Variants in PCDHGB2 observed in about 807,000 individuals in gnomAD.
PCDHGB2 encodes the protein protocadherin gamma subfamily B, 2.
A neutral mutation model predicts 59.3 loss-of-function variants in PCDHGB2; 55 were observed. That is an observed-to-expected ratio of 0.93 (90% confidence interval 0.75 to 1.16). The LOEUF is 1.16. PCDHGB2 is among the 50% of genes most tolerant of loss of function. PCDHGB2 has a pLI of 0.00. For missense variants in PCDHGB2, 1,228 were observed against 1,198.5 expected (o/e 1.02, Z -0.36); for synonymous variants, 516 against 512.0 (o/e 1.01, Z -0.11).
chr5:141,418,294 C>G, intron 1 of PCDHGB2: 1 of 1,613,988 alleles, frequency 6.2e-7, no homozygotes. Flanking sequence ...TCAGTGAATC[C>G]GTCAGCCTGG....
rs369227893 is a variant in PCDHGB2, at chr5:141,419,063, T to A, written c.2421+56507T>A. 47 of 1,613,840 alleles carry A rather than the reference T, an allele frequency of 2.9e-5. No homozygotes were observed. The highest frequency in any genetic ancestry group is 4.0e-5 in the Non-Finnish European group (47 of 1,179,904). On this transcript the variant is annotated intron_variant, in intron 1 of 3. Coordinates refer to ENST00000522605, the MANE Select transcript of PCDHGB2 (RefSeq NM_018923.3). ...GATTCATTCTTCTTCTAATAATTACTACAAGCTAGTAACAGATGAGGCCCT... is the reference window on the plus strand; with the variant it reads ...GATTCATTCTTCTTCTAATAATTACAACAAGCTAGTAACAGATGAGGCCCT...
chr5:141,384,547 C>T (rs1780195966), intron 1 of PCDHGB2: 15 of 1,614,252 alleles, frequency 9.3e-6, no homozygotes, highest in Non-Finnish European at 1.3e-5. Flanking sequence ...GTCACTGAGC[C>T]TGTTCGTGCT....
intron 1 of PCDHGB2, among the ~76,000 whole-genome samples, chr5:141,369,915 A>G (rs1429162797): frequency 6.6e-6 from 1 of 152,226 alleles, no homozygotes; most frequent in African/African-American, 2.4e-5. Flanking sequence ...TGAAAATGGA[A>G]ACTAAAAACG....
At position 141,360,619 on chromosome 5, in the gene PCDHGB2, G is replaced by T; in HGVS notation, c.484G>T (p.Val162Phe). 1 of 1,614,012 alleles carries T rather than the reference G, an allele frequency of 6.2e-7. No individual in the cohort carries two copies. Among genetic ancestry groups the T allele is most frequent in the East Asian group, 2.2e-5 (1 of 44,884 alleles). ...FPLDPALDSD[V>F]GPNSLQRYHL... ...ACTTGACCCAGCCCTGGATTCAGATGTTGGTCCTAACTCACTACAAAGATA... is the reference window on the plus strand; with the variant it reads ...ACTTGACCCAGCCCTGGATTCAGATTTTGGTCCTAACTCACTACAAAGATA... The change falls in exon 1 of 4, where the codon GTT becomes TTT. Residue 162 changes from valine to phenylalanine, a missense_variant. Physicochemically the swap from Val to Phe is conservative, Grantham distance 50. Around this residue, in one of 3 missense-constraint regions of PCDHGB2, gnomAD observed 781 missense variants for 721.6 expected, o/e 1.08. Coordinates refer to ENST00000522605, the MANE Select transcript of PCDHGB2 (RefSeq NM_018923.3).
intron 1 of PCDHGB2, among the ~76,000 whole-genome samples, chr5:141,381,491 A>G (rs773337977): frequency 1.7e-4 from 26 of 152,224 alleles, no homozygotes; most frequent in Non-Finnish European, 7.3e-5. Flanking sequence ...TGTTTTCTCA[A>G]TTACACTAGA....
chr5:141,418,419 A>G (rs1181055959), intron 1 of PCDHGB2: 1 of 1,613,900 alleles, frequency 6.2e-7, no homozygotes, highest in Non-Finnish European at 8.5e-7. Flanking sequence ...GACAATCCTG[A>G]TGGTGGCAAA....
At chr5:141,364,099 G>T in intron 1 of PCDHGB2, 1 of 407,086 alleles carries the variant, frequency 2.5e-6, no homozygotes, top group Non-Finnish European at 4.3e-6. Context: ...ATTTGATGCA[G>T]TCACTGGTTA....
chr5:141,375,174 C>A (rs765614006), intron 1 of PCDHGB2: 3 of 1,614,006 alleles, frequency 1.9e-6, no homozygotes, highest in Non-Finnish European at 2.5e-6. Context: ...CCTCCAGGAA[C>A]AGTAATCGCC....
In PCDHGB2 at chr5:141,491,927, G is replaced by A. The variant is rs1314503730; in HGVS notation, c.2422-2880G>A. 3 of 1,309,982 alleles carry A rather than the reference G, an allele frequency of 2.3e-6. No individual in the cohort carries two copies. In the African/African-American group the frequency reaches 4.5e-5, roughly 20 times the overall value. 81.1% of individuals were successfully genotyped at this position (1,309,982 alleles called of 1,614,324 possible). A position where few individuals can be genotyped will look rare whatever the true frequency, so the allele number is the denominator to read the frequency against. On this transcript the variant is annotated intron_variant, in intron 1 of 3. Coordinates refer to ENST00000522605, the MANE Select transcript of PCDHGB2 (RefSeq NM_018923.3). The surrounding 1 kb of genome is among the most constrained non-coding windows in gnomAD (Gnocchi z 6.9). ...GTGGTGGCGACTGTGGGCGAGGGGAGGTGGGACCGACCCCCACCCCTACAC... is the reference window on the plus strand; with the variant it reads ...GTGGTGGCGACTGTGGGCGAGGGGAAGTGGGACCGACCCCCACCCCTACAC...
At chr5:141,386,725 TA>T (rs1200567298) in intron 1 of PCDHGB2, among the ~76,000 whole-genome samples, 3 of 152,182 alleles carry the variant, frequency 2.0e-5, no homozygotes, top group African/African-American at 7.2e-5. Context: ...CCAACAATGT[TA>T]CTGAGGGAAG....
Position 141,485,625 on chromosome 5 carries a change from G to T in PCDHGB2, c.2422-9182G>T. 6.2e-7 allele frequency: 1 copy of T among 1,611,968 alleles called. No individual in the cohort carries two copies. On this transcript the variant is annotated intron_variant, in intron 1 of 3. Transcript: ENST00000522605. This position sits in a 1 kb window ranked among gnomAD's most constrained non-coding sequence, Gnocchi z 5.7. ...GGGGAGGCAGCTCCTCCAGGACAGC[G>T]TTTCCCGTTGGAAAAGGCTCAGGAT...
chr5:141,403,220 A>G (rs1340190547), intron 1 of PCDHGB2: 1 of 1,613,824 alleles, frequency 6.2e-7, no homozygotes, highest in Non-Finnish European at 8.5e-7. Context: ...CGCGGGTAGG[A>G]TAGACCGGGA....
chr5:141,370,376 C>T, intron 1 of PCDHGB2: 1 of 1,527,960 alleles, frequency 6.5e-7, no homozygotes, highest in Non-Finnish European at 8.8e-7. Flanking sequence ...TTTAGAAAGG[C>T]AAAGGCGCAG....
At position 141,404,694 on chromosome 5, in the gene PCDHGB2, C is replaced by G. The variant is rs749803871; in HGVS notation, c.2421+42138C>G. 3.1e-6 allele frequency: 5 copies of G among 1,613,998 alleles called. No individual in the cohort carries two copies. In the Admixed American group the frequency reaches 5.0e-5, roughly 16 times the overall value. On this transcript the variant is annotated intron_variant, in intron 1 of 3. Coordinates refer to ENST00000522605, the MANE Select transcript of PCDHGB2 (RefSeq NM_018923.3). ...ACTGGTGTGGAGCTGGCACCCCGCT[C>G]TGCAGAGCCTGGCTACCTGGTGACC...
At chr5:141,405,044 G>T (rs769617162) in intron 1 of PCDHGB2, 160 of 1,613,938 alleles carry the variant, frequency 9.9e-5, no homozygotes, top group Middle Eastern at 1.6e-4. Flanking sequence ...TGTGGCTGTG[G>T]CAGTCGTCTC....
Position 141,413,313 on chromosome 5 carries a change from C to T in PCDHGB2, c.2421+50757C>T, listed in dbSNP as rs1346034749. The T allele has an allele frequency of 1.9e-6, 3 of 1,613,842 alleles. No homozygotes were observed. The African/African-American group carries it at 4.0e-5, about 22-fold the overall frequency. On this transcript the variant is annotated intron_variant, in intron 1 of 3. Transcript: ENST00000522605. The stretch of plus-strand genomic sequence containing the variant: ...CAATTCCTGAGGAATTAGAGAAAGG[C>T]TCTTTCGTGGGCAACATCTCCAAGG...
At chr5:141,480,625 G>A (rs1041569361) in intron 1 of PCDHGB2, among the ~76,000 whole-genome samples, 2 of 152,070 alleles carry the variant, frequency 1.3e-5, no homozygotes, top group Non-Finnish European at 2.9e-5. Flanking sequence ...ATTTTCCCTA[G>A]AACAATGTTT....
At chr5:141,403,732 G>A (rs1472288445) in intron 1 of PCDHGB2, 2 of 1,613,932 alleles carry the variant, frequency 1.2e-6, no homozygotes, top group Non-Finnish European at 1.7e-6. Context: ...CAGGCACCTG[G>A]CTGCTTACTG....
At chr5:141,471,215 A>G (rs1562030197) in intron 1 of PCDHGB2, 1 of 149,038 alleles carries the variant, frequency 6.7e-6, no homozygotes, top group Non-Finnish European at 1.5e-5. Context: ...ATGCCTGGCA[A>G]TTTTTTTGTA....
Sources: allele counts gnomAD v4.1 joint callset (sites outside exome capture counted in the v4.1 genomes callset), GRCh38; gene constraint gnomAD v4.1.1; regional missense constraint gnomAD v4.1.1; non-coding constraint Gnocchi (gnomAD v3.1); transcripts MANE v1.5; gene names NCBI Gene and HGNC (gene_info 2026-07-23, HGNC 2026-07-21).